The following ARPP21 variants were observed in gnomAD, a reference collection of about 807,000 sequenced individuals.
The protein encoded by ARPP21 is cAMP regulated phosphoprotein 21.
In ARPP21, 69 loss-of-function variants were observed where a neutral mutation model predicts 113.2. The ratio of observed to expected loss-of-function variants is 0.61; its 90% CI spans 0.50 to 0.74. The LOEUF is 0.74. ARPP21 is among the 30% of genes least tolerant of loss of function. ARPP21 has a pLI of 0.00. For synonymous variants in ARPP21, 368 were observed against 375.5 expected (o/e 0.98, Z 0.23); for missense variants, 1,070 against 1,037.4 (o/e 1.03, Z -0.43).
chr3:35,683,740 A>T lies in ARPP21; in HGVS notation c.186A>T (p.Lys62Asn). 1 of 1,399,046 alleles carries T rather than the reference A, an allele frequency of 7.1e-7. No homozygotes were observed. The highest frequency in any genetic ancestry group is 1.0e-6 in the Non-Finnish European group (1 of 987,178). 86.7% of individuals were successfully genotyped at this position (1,399,046 alleles called of 1,614,324 possible). A position where few individuals can be genotyped will look rare whatever the true frequency, so the allele number is the denominator to read the frequency against. The change falls in exon 5 of 21, where the codon AAA (lysine) becomes AAT (asparagine). Residue 62 changes from lysine (K) to asparagine (N), a missense_variant. Lys to Asn is a moderately conservative substitution (Grantham distance 94, BLOSUM62 0). Coordinates refer to ENST00000684406, the MANE Select transcript of ARPP21 (RefSeq NM_001385562.1). ...CCCCCTCCTAGTCAGGAGCAGGAAA[A>T]GGTAAACTGACTCGCAGCCTTGCTG... ...ERRKSKSGAG[K>N]GKLTRSLAVC...
chr3:35,732,412 C>T (rs999599401), intron 15 of ARPP21, among the ~76,000 whole-genome samples: 1 of 152,182 alleles, frequency 6.6e-6, no homozygotes, highest in Admixed American at 6.5e-5. Flanking sequence ...GGACCTCTTG[C>T]CTGTTCTTTC....
intron 19 of ARPP21, among the ~76,000 whole-genome samples, chr3:35,759,249 T>G (rs2095675425): frequency 6.6e-6 from 1 of 152,070 alleles, no homozygotes; most frequent in Admixed American, 6.6e-5. Flanking sequence ...TCAATAGATG[T>G]GATTTTCAGT....
intron 11 of ARPP21, among the ~76,000 whole-genome samples, chr3:35,713,044 G>A (rs1212377707): frequency 1.3e-5 from 2 of 152,134 alleles, no homozygotes; most frequent in African/African-American, 4.8e-5. Flanking sequence ...TGGGTAATAA[G>A]GGCATGTGGT....
intron 19 of ARPP21, among the ~76,000 whole-genome samples, chr3:35,765,660 G>C (rs2095943664): frequency 6.6e-6 from 1 of 152,136 alleles, no homozygotes; most frequent in Admixed American, 6.6e-5. Flanking sequence ...AAATTGAAAT[G>C]TAAGGAGTTT....
chr3:35,731,042 C>T (rs1185954726), intron 15 of ARPP21, among the ~76,000 whole-genome samples: 1 of 152,154 alleles, frequency 6.6e-6, no homozygotes, highest in East Asian at 1.9e-4. Context: ...GGGCACTAAT[C>T]AAAGTACTGT....
intron 9 of ARPP21, among the ~76,000 whole-genome samples, chr3:35,700,140 G>A (rs967432494): frequency 2.6e-5 from 4 of 151,690 alleles, no homozygotes; most frequent in African/African-American, 7.3e-5. Flanking sequence ...GTGCATGTAC[G>A]TAATCCTCCC....
At position 35,707,000 on chromosome 3, in the gene ARPP21, TA is replaced by T. The variant is rs2089366771; in HGVS notation, c.717del (p.Asp240MetfsTer13). On this transcript the variant is annotated frameshift_variant, in exon 10 of 21. Coordinates refer to ENST00000684406, the MANE Select transcript of ARPP21 (RefSeq NM_001385562.1). LOFTEE classifies it high-confidence loss of function. ...RIPEQRFCEH[L>X]KDEKGEESQK... ...CCAGAGCAAAGGTTTTGTGAACATT[TA>T]AAAGATGAAAAAGGTGAAGAATCCC... The T allele has an allele frequency of 6.2e-7, 1 of 1,613,870 alleles. No homozygotes were observed. The highest frequency in any genetic ancestry group is 1.7e-5 in the Admixed American group (1 of 59,978).
Position 35,712,509 on chromosome 3 carries a change from GGTGTCT to G in ARPP21, c.898-2925_898-2920del, listed in dbSNP as rs1342862658. Reference sequence around the variant, plus strand: ...TTTCCAAATATATCTTGGTGTCTAAGGTGTCTGTGTGTGTGTGTGTGTGTGTGTGTG... The same window carrying G: ...TTTCCAAATATATCTTGGTGTCTAAGGTGTGTGTGTGTGTGTGTGTGTGTG... On this transcript the variant is annotated intron_variant, in intron 11 of 20. Coordinates refer to ENST00000684406, the MANE Select transcript of ARPP21 (RefSeq NM_001385562.1). Among the ~76,000 whole-genome samples, 359 of 108,572 alleles carry G rather than the reference GGTGTCT, an allele frequency of 3.3e-3. 3 individuals carry two copies. Among genetic ancestry groups the G allele is most frequent in the African/African-American group, 0.012 (317 of 25,440 alleles). The allele number at this position is 108,572 out of a possible 152,430, so 71.2% of individuals were successfully genotyped here.
At chr3:35,703,016 A>G (rs2087067096) in intron 9 of ARPP21, among the ~76,000 whole-genome samples, 1 of 151,794 alleles carries the variant, frequency 6.6e-6, no homozygotes, top group South Asian at 2.1e-4. Flanking sequence ...ATTTTATGAG[A>G]TACGTATACA....
At chr3:35,786,094 G>T (rs928626415) in intron 19 of ARPP21, among the ~76,000 whole-genome samples, 2 of 152,172 alleles carry the variant, frequency 1.3e-5, no homozygotes, top group African/African-American at 2.4e-5. Context: ...TCCACGTTAT[G>T]CTATTTTACT....
chr3:35,711,427 G>A lies in ARPP21; in HGVS notation c.897+2357G>A, dbSNP rs73825901. 1.6e-3 allele frequency among the ~76,000 whole-genome samples: 251 copies of A among 152,298 alleles called. 1 individual carries two copies. The highest frequency in any genetic ancestry group is 5.1e-3 in the African/African-American group (213 of 41,560). ...TCTTAGAGGGCAAGAAACACCTAGT[G>A]TCTTTCTCTATCTGTATAGCTCTGC... On this transcript the variant is annotated intron_variant, in intron 11 of 20. Coordinates refer to ENST00000684406, the MANE Select transcript of ARPP21 (RefSeq NM_001385562.1).
intron 19 of ARPP21, chr3:35,775,035 A>G (rs1194171312): frequency 1.3e-5 from 2 of 152,128 alleles, no homozygotes; most frequent in Admixed American, 6.6e-5. Flanking sequence ...AAATATGTCA[A>G]TTTAAATAAG....
At position 35,689,379 on chromosome 3, in the gene ARPP21, A is replaced by G; in HGVS notation, c.479A>G (p.Asn160Ser). The change falls in exon 7 of 21, where the codon AAT becomes AGT. Residue 160 changes from asparagine to serine, a missense_variant. By Grantham distance (46) the Asn-to-Ser change is conservative. Transcript: ENST00000684406. ...HEFLINTLKN[N>S]SRDRMILLKM... is the part of the protein sequence containing the mutation. Reference sequence around the variant, plus strand: ...TTTCTGATTAACACATTAAAGAATAATTCCAGGTAAATTATTAAATGAGCC... The same window carrying G: ...TTTCTGATTAACACATTAAAGAATAGTTCCAGGTAAATTATTAAATGAGCC... 6.8e-7 allele frequency: 1 copy of G among 1,471,360 alleles called. No individual in the cohort carries two copies. Among genetic ancestry groups the G allele is most frequent in the Non-Finnish European group, 9.5e-7 (1 of 1,051,190 alleles). The allele number at this position is 1,471,360 out of a possible 1,614,324, so 91.1% of individuals were successfully genotyped here. A position where few individuals can be genotyped will look rare whatever the true frequency, so the allele number is the denominator to read the frequency against.
intron 9 of ARPP21, among the ~76,000 whole-genome samples, chr3:35,693,063 G>A (rs2082713483): frequency 6.6e-6 from 1 of 151,098 alleles, no homozygotes; most frequent in South Asian, 2.1e-4. Context: ...TTAATTAATG[G>A]CCATTTAAAA....
Position 35,793,887 on chromosome 3 carries a change from C to G in ARPP21, c.2473C>G (p.Pro825Ala). The change falls in exon 21 of 21, where the codon CCA becomes GCA. Residue 825 changes from proline to alanine, a missense_variant. By Grantham distance (27) the Pro-to-Ala change is conservative (BLOSUM62 -1). Transcript: ENST00000684406. ...CCCACACTGCCCCTCCAGCACTGTC[C>G]CAGTGATGTCAGCTAGCTGCAGAAC... ...IGPHCPSSTV[P>A]VMSASCRTNC... 6.2e-7 allele frequency: 1 copy of G among 1,613,958 alleles called. No homozygotes were observed. The highest frequency in any genetic ancestry group is 8.5e-7 in the Non-Finnish European group (1 of 1,179,850).
At chr3:35,676,864 A>C (rs955465792) in intron 1 of ARPP21, among the ~76,000 whole-genome samples, 2 of 151,910 alleles carry the variant, frequency 1.3e-5, no homozygotes, top group Non-Finnish European at 2.9e-5. Flanking sequence ...TGTTTTGAGA[A>C]TGGGTTATAT....
At chr3:35,728,374 A>G (rs912587390) in intron 14 of ARPP21, among the ~76,000 whole-genome samples, 1 of 151,196 alleles carries the variant, frequency 6.6e-6, no homozygotes, top group African/African-American at 2.4e-5. Flanking sequence ...ACGTGCCACC[A>G]CGCCCAGCTA....
intron 11 of ARPP21, among the ~76,000 whole-genome samples, chr3:35,714,459 T>A (rs2092022250): frequency 6.6e-6 from 1 of 152,220 alleles, no homozygotes; most frequent in African/African-American, 2.4e-5. Flanking sequence ...TATCTTAAAA[T>A]TGACCTGTTA....
In ARPP21 at chr3:35,665,379, G is replaced by A. The variant is rs1395238717; in HGVS notation, c.-212-14408G>A. On this transcript the variant is annotated intron_variant, in intron 1 of 20. Transcript: ENST00000684406. ...ATAAAACTCTCATGAAATTATGAGAGCTTGTTTTTGAAGTAAAAATTTAAA... is the reference window on the plus strand; with the variant it reads ...ATAAAACTCTCATGAAATTATGAGAACTTGTTTTTGAAGTAAAAATTTAAA... Among the ~76,000 whole-genome samples the A allele has an allele frequency of 2.0e-5, 3 of 152,116 alleles. No homozygotes were observed. In the East Asian group the frequency reaches 5.8e-4, roughly 30 times the overall value.
Sources: gnomAD v4.1 joint callset for allele counts (sites outside exome capture counted in the v4.1 genomes callset) on GRCh38, gnomAD v4.1.1 for gene constraint, MANE v1.5 for transcripts, NCBI Gene and HGNC (gene_info 2026-07-23, HGNC 2026-07-21) for gene names.